The following TCF7L2 variants were observed in gnomAD, a reference collection of about 807,000 sequenced individuals.
TCF7L2 encodes the protein transcription factor 7-like 2.
A neutral mutation model predicts 77.9 loss-of-function variants in TCF7L2; 23 were observed. The ratio of observed to expected loss-of-function variants is 0.30; its 90% CI spans 0.21 to 0.42. The LOEUF (loss-of-function observed/expected upper bound fraction) is 0.42, where lower values mean the gene tolerates loss of function less well. Ranked by LOEUF, TCF7L2 falls within the 10% of genes least tolerant of loss-of-function variation. TCF7L2 has a pLI of 1.00. For synonymous variants in TCF7L2, 413 were observed against 340.2 expected, an observed-to-expected ratio of 1.21 and a Z score of -2.36; for missense variants, 654 against 793.1, an observed-to-expected ratio of 0.82 and a Z score of 2.11.
intron 5 of TCF7L2, among the ~76,000 whole-genome samples, chr10:113,130,281 G>A (rs938957785): frequency 1.3e-5 from 2 of 152,148 alleles, no homozygotes; most frequent in Middle Eastern, 3.2e-3. Flanking sequence ...TGTTCCCAAA[G>A]TACGGGTGAG....
intron 5 of TCF7L2, among the ~76,000 whole-genome samples, chr10:113,089,061 T>G (rs887445091): frequency 2.0e-5 from 3 of 151,958 alleles, no homozygotes; most frequent in Admixed American, 6.6e-5. Context: ...TTCAGTAAGG[T>G]AAGTTGAGAG....
At chr10:113,012,343 A>G (rs1453998354) in intron 4 of TCF7L2, among the ~76,000 whole-genome samples, 2 of 152,198 alleles carry the variant, frequency 1.3e-5, no homozygotes, top group Non-Finnish European at 1.5e-5. Flanking sequence ...TATGAAACGT[A>G]GGAGAGTGGA....
At chr10:113,014,457 A>G (rs368691100) in intron 4 of TCF7L2, among the ~76,000 whole-genome samples, 3 of 152,204 alleles carry the variant, frequency 2.0e-5, no homozygotes, top group African/African-American at 7.2e-5. Flanking sequence ...GATTATGTCA[A>G]TGTGAGAATT....
At chr10:113,066,270 C>G (rs2057244743) in intron 5 of TCF7L2, among the ~76,000 whole-genome samples, 1 of 151,536 alleles carries the variant, frequency 6.6e-6, no homozygotes, top group Non-Finnish European at 1.5e-5. Context: ...GAGGCTGAGG[C>G]AGGAGAATTG....
At chr10:113,041,319 C>T (rs1327936988) in intron 5 of TCF7L2, among the ~76,000 whole-genome samples, 1 of 152,180 alleles carries the variant, frequency 6.6e-6, no homozygotes, top group Non-Finnish European at 1.5e-5. Flanking sequence ...TCCTCTAACT[C>T]CACAATAAAA....
chr10:113,103,626 G>A (rs757174276), intron 5 of TCF7L2, among the ~76,000 whole-genome samples: 3 of 152,152 alleles, frequency 2.0e-5, no homozygotes, highest in Non-Finnish European at 4.4e-5. Context: ...AAATGTGAAT[G>A]GTGGTTGCCA....
intron 4 of TCF7L2, among the ~76,000 whole-genome samples, chr10:112,965,572 C>G (rs1486736899): frequency 3.3e-5 from 5 of 151,626 alleles, no homozygotes; most frequent in African/African-American, 4.9e-5. Flanking sequence ...TTGTGTTATT[C>G]CATGACTTCT....
chr10:112,961,118 A>G (rs2034991799), intron 3 of TCF7L2, among the ~76,000 whole-genome samples: 1 of 151,954 alleles, frequency 6.6e-6, no homozygotes, highest in Non-Finnish European at 1.5e-5. Context: ...GGTTCAAGCG[A>G]TTCTCCTGCC....
chr10:112,964,341 A>AAAAAACAAAAAC (rs199541501), intron 3 of TCF7L2, among the ~76,000 whole-genome samples: 1 of 152,122 alleles, frequency 6.6e-6, no homozygotes, highest in African/African-American at 2.4e-5. Context: ...ATAGGTGCTT[A>AAAAAACAAAAAC]AAAAACAAAA....
intron 5 of TCF7L2, chr10:113,129,811 G>C: frequency 7.8e-7 from 1 of 1,288,566 alleles, no homozygotes; most frequent in Non-Finnish European, 1.0e-6. Context: ...GTCCCATCTC[G>C]AAGGTACAGA....
At chr10:113,070,149 G>A (rs905848487) in intron 5 of TCF7L2, among the ~76,000 whole-genome samples, 2 of 151,628 alleles carry the variant, frequency 1.3e-5, no homozygotes, top group South Asian at 2.1e-4. Context: ...CCAGCTACTC[G>A]GGAGGCTGAG....
rs929173867 is a variant in TCF7L2, at chr10:113,089,320, G to A, written c.552+49194G>A. On this transcript the variant is annotated intron_variant, in intron 5 of 13. Transcript: ENST00000627217. ...AATGTGGGTTAGGGCAGAAAGGAAG[G>A]CTGGGGGCTGTGTGTGCCTTGGTGA... is the stretch of plus-strand genomic sequence containing the variant. The A allele has an allele frequency of 4.0e-6, 6 of 1,494,396 alleles. No individual in the cohort carries two copies. The African/African-American group carries it at 7.0e-5, about 17-fold the overall frequency. 92.6% of individuals were successfully genotyped at this position (1,494,396 alleles called of 1,614,324 possible). A position where few individuals can be genotyped will look rare whatever the true frequency, so the allele number is the denominator to read the frequency against.
At chr10:113,089,106 A>G (rs1042892337) in intron 5 of TCF7L2, among the ~76,000 whole-genome samples, 2 of 152,200 alleles carry the variant, frequency 1.3e-5, no homozygotes, top group Admixed American at 6.5e-5. Context: ...TGAGAGGCTC[A>G]GAGGAAGGGG....
At chr10:113,041,516 C>T (rs1235029754) in intron 5 of TCF7L2, among the ~76,000 whole-genome samples, 1 of 152,176 alleles carries the variant, frequency 6.6e-6, no homozygotes, top group Non-Finnish European at 1.5e-5. Flanking sequence ...TTCTCTGCTC[C>T]CTTTCCAGAG....
rs1333012644 is a variant in TCF7L2 at position 112,964,757 on chromosome 10, GTGA to G, written c.450+136_450+138del. On this transcript the variant is annotated intron_variant, in intron 4 of 13. Transcript: ENST00000627217. Reference sequence around the variant, plus strand: ...GATGATGATGGTGGTGGTGGTGGTGGTGATGGTGGTGGTGGTGGTGATGGTGGT... The same window carrying G: ...GATGATGATGGTGGTGGTGGTGGTGGTGGTGGTGGTGGTGGTGATGGTGGT... 3.9e-5 allele frequency: 29 copies of G among 736,374 alleles called. No homozygotes were observed. In the African/African-American group the frequency reaches 5.2e-4, roughly 13 times the overall value. 45.6% of individuals were successfully genotyped at this position (736,374 alleles called of 1,614,324 possible).
intron 5 of TCF7L2, among the ~76,000 whole-genome samples, chr10:113,120,797 C>T (rs768698390): frequency 2.6e-5 from 4 of 152,282 alleles, no homozygotes; most frequent in Admixed American, 2.0e-4. Flanking sequence ...AGAACAGTTT[C>T]TCAACCAGAC....
At chr10:113,005,604 AC>A (rs2045400112) in intron 4 of TCF7L2, among the ~76,000 whole-genome samples, 1 of 151,168 alleles carries the variant, frequency 6.6e-6, no homozygotes, top group Non-Finnish European at 1.5e-5. Flanking sequence ...TGGTTATCTC[AC>A]CCCCTGCCAC....
At chr10:112,956,389 A>T (rs1431686619) in intron 3 of TCF7L2, among the ~76,000 whole-genome samples, 1 of 149,910 alleles carries the variant, frequency 6.7e-6, no homozygotes, top group African/African-American at 2.5e-5. Context: ...TTGCCAAATA[A>T]ATAAGCACTT....
At chr10:113,122,329 T>C (rs1308527497) in intron 5 of TCF7L2, among the ~76,000 whole-genome samples, 1 of 152,246 alleles carries the variant, frequency 6.6e-6, no homozygotes, top group African/African-American at 2.4e-5. Context: ...TATTCTATGA[T>C]TCAAAATGTT....
Sources: gnomAD v4.1 joint callset for allele counts (sites outside exome capture counted in the v4.1 genomes callset) on GRCh38, gnomAD v4.1.1 for gene constraint, MANE v1.5 for transcripts, NCBI Gene and HGNC (gene_info 2026-07-23, HGNC 2026-07-21) for gene names.